The following ATRNL1 variants were observed in gnomAD, a reference collection of about 807,000 sequenced individuals.
The protein encoded by ATRNL1 is attractin-like protein 1.
Under a neutral mutation model 182.7 loss-of-function variants are expected in ATRNL1, and 95 were observed. The ratio of observed to expected loss-of-function variants is 0.52; its 90% confidence interval spans 0.44 to 0.62. The LOEUF is 0.62. Among genes scored for constraint, ATRNL1 ranks in the 20% least tolerant of loss-of-function variants. ATRNL1 has a pLI of 0.00. For missense variants in ATRNL1, 1,471 were observed against 1,679.5 expected (o/e 0.88, Z 2.17); for synonymous variants, 576 against 568.3 (o/e 1.01, Z -0.19).
intron 8 of ATRNL1, among the ~76,000 whole-genome samples, chr10:115,205,629 C>A (rs1554893564): frequency 1.3e-5 from 2 of 151,550 alleles, no homozygotes; most frequent in South Asian, 2.1e-4. Context: ...TTACTATTAT[C>A]TCTTTGTAAT....
intron 9 of ATRNL1, among the ~76,000 whole-genome samples, chr10:115,219,902 C>CA (rs1348377637): frequency 6.6e-6 from 1 of 150,964 alleles, no homozygotes; most frequent in East Asian, 1.9e-4. Flanking sequence ...GACCCTGTCT[C>CA]AAAAAAACAA....
chr10:115,183,174 A>G (rs999189385), intron 8 of ATRNL1, among the ~76,000 whole-genome samples: 13 of 151,522 alleles, frequency 8.6e-5, no homozygotes, highest in Admixed American at 8.6e-4. Context: ...TCTGAAAAAT[A>G]GTGACAGTAA....
intron 18 of ATRNL1, among the ~76,000 whole-genome samples, chr10:115,331,539 A>G (rs1283022299): frequency 1.3e-5 from 2 of 152,094 alleles, no homozygotes; most frequent in African/African-American, 4.8e-5. Flanking sequence ...TTGATTGCCT[A>G]TGATTTATGT....
chr10:115,437,059 G>A (rs1846436851), intron 21 of ATRNL1, among the ~76,000 whole-genome samples: 1 of 152,026 alleles, frequency 6.6e-6, no homozygotes, highest in Non-Finnish European at 1.5e-5. Flanking sequence ...GGGAATGATT[G>A]AGCTTTGATT....
At chr10:115,412,972 T>C (rs1845215793) in intron 20 of ATRNL1, among the ~76,000 whole-genome samples, 1 of 152,214 alleles carries the variant, frequency 6.6e-6, no homozygotes, top group Non-Finnish European at 1.5e-5. Flanking sequence ...TGATGGATTA[T>C]GATAATCTTG....
intron 26 of ATRNL1, 118 bp from the exon 27 acceptor site, chr10:115,727,130 C>G: frequency 1.5e-6 from 1 of 686,416 alleles, no homozygotes; most frequent in South Asian, 1.8e-5. Context: ...ATATGGATAT[C>G]TGTATAAAAT....
intron 17 of ATRNL1, among the ~76,000 whole-genome samples, chr10:115,305,456 G>C (rs1853680800): frequency 6.6e-6 from 1 of 152,120 alleles, no homozygotes; most frequent in Non-Finnish European, 1.5e-5. Flanking sequence ...TAAGGAATGG[G>C]GGTGTTGTAC....
At chr10:115,833,586 C>T (rs1196807426) in intron 27 of ATRNL1, among the ~76,000 whole-genome samples, 1 of 152,184 alleles carries the variant, frequency 6.6e-6, no homozygotes, top group Non-Finnish European at 1.5e-5. Context: ...TTATTGAACA[C>T]TTGCCCTACG....
intron 28 of ATRNL1, among the ~76,000 whole-genome samples, chr10:115,909,783 C>T (rs1952619024): frequency 6.6e-6 from 1 of 152,026 alleles, no homozygotes; most frequent in Admixed American, 6.6e-5. Flanking sequence ...ATGTATGTTT[C>T]CTTTTACAAC....
intron 26 of ATRNL1, among the ~76,000 whole-genome samples, chr10:115,601,632 C>T (rs1555015947): frequency 1.3e-5 from 2 of 152,056 alleles, no homozygotes; most frequent in South Asian, 2.1e-4. Flanking sequence ...CCTTTTTATT[C>T]GTAGTATTAA....
At chr10:115,766,707 G>GT (rs1328757566) in intron 27 of ATRNL1, among the ~76,000 whole-genome samples, 1 of 152,186 alleles carries the variant, frequency 6.6e-6, no homozygotes. Context: ...ACAATCAAGT[G>GT]TAGAAAAAGT....
chr10:115,668,982 G>A (rs1945605846), intron 26 of ATRNL1, among the ~76,000 whole-genome samples: 1 of 151,986 alleles, frequency 6.6e-6, no homozygotes, highest in Non-Finnish European at 1.5e-5. Flanking sequence ...TATAGAACTA[G>A]ATCCAGAAAA....
At chr10:115,465,751 CA>C (rs2134548706) in intron 22 of ATRNL1, among the ~76,000 whole-genome samples, 1 of 151,634 alleles carries the variant, frequency 6.6e-6, no homozygotes, top group South Asian at 2.1e-4. Flanking sequence ...TTCAAATTCT[CA>C]GATGCTTTCT....
chr10:115,624,788 T>G (rs2133814361), intron 26 of ATRNL1, among the ~76,000 whole-genome samples: 1 of 152,318 alleles, frequency 6.6e-6, no homozygotes, highest in South Asian at 2.1e-4. Flanking sequence ...AATGCTCCTA[T>G]ATAAAATAAT....
At chr10:115,665,509 A>T (rs1282432031) in intron 26 of ATRNL1, among the ~76,000 whole-genome samples, 1 of 152,130 alleles carries the variant, frequency 6.6e-6, no homozygotes, top group Non-Finnish European at 1.5e-5. Context: ...GACGAGAGGG[A>T]AGAAGAGGCA....
chr10:115,932,361 T>C (rs1237472278), intron 28 of ATRNL1, among the ~76,000 whole-genome samples: 1 of 152,220 alleles, frequency 6.6e-6, no homozygotes, highest in African/African-American at 2.4e-5. Context: ...ACTCTACTGC[T>C]TTTTCCTTCA....
chr10:115,797,229 G>T (rs1047578640), intron 27 of ATRNL1, among the ~76,000 whole-genome samples: 1 of 152,098 alleles, frequency 6.6e-6, no homozygotes, highest in African/African-American at 2.4e-5. Flanking sequence ...AATTTGTGGG[G>T]CCCAGTACAA....
chr10:115,602,724 G>T (rs1052985803), intron 26 of ATRNL1, among the ~76,000 whole-genome samples: 1 of 152,080 alleles, frequency 6.6e-6, no homozygotes, highest in South Asian at 2.1e-4. Flanking sequence ...TTAGCCGGGC[G>T]TGGTGGCAGG....
chr10:115,595,084 C>T (rs144364175), intron 26 of ATRNL1, among the ~76,000 whole-genome samples: 28 of 152,208 alleles, frequency 1.8e-4, no homozygotes, highest in African/African-American at 6.7e-4. Context: ...TCAATAGAAA[C>T]TTGCTGGCAC....
Sources: allele counts gnomAD v4.1 joint callset (sites outside exome capture counted in the v4.1 genomes callset), GRCh38; gene constraint gnomAD v4.1.1; transcripts MANE v1.5; gene names NCBI Gene and HGNC (gene_info 2026-07-23, HGNC 2026-07-21).